SLC6A5: variants seen among roughly 807,000 people sequenced by gnomAD.
SLC6A5 encodes the protein sodium- and chloride-dependent glycine transporter 2.
A neutral mutation model predicts 90.5 loss-of-function variants in SLC6A5; 58 were observed. The ratio of observed to expected loss-of-function variants is 0.64; its 90% CI spans 0.52 to 0.80. The LOEUF (loss-of-function observed/expected upper bound fraction) is 0.80. Among genes scored for constraint, SLC6A5 ranks in the 30% least tolerant of loss-of-function variants. The probability of loss-of-function intolerance (pLI) is 0.00; values close to 1 mark genes in which losing one functional copy is unlikely to be tolerated. For synonymous variants in SLC6A5, 427 were observed against 401.4 expected (o/e 1.06, Z -0.76); for missense variants, 1,015 against 1,017.6 (o/e 1.00, Z 0.03).
At chr11:20,602,128 C>T (rs1852492300) in intron 2 of SLC6A5, among the ~76,000 whole-genome samples, 1 of 152,224 alleles carries the variant, frequency 6.6e-6, no homozygotes, top group East Asian at 1.9e-4. Context: ...GTAGCCTTTA[C>T]ACTGCCAGTT....
At chr11:20,646,975 C>T (rs368142004) in intron 14 of SLC6A5, 41 bp downstream of exon 14, 2 of 1,245,472 alleles carry the variant, frequency 1.6e-6, no homozygotes, top group African/African-American at 3.0e-5. Flanking sequence ...CAGCACCTTG[C>T]ATACGTATGT....
chr11:20,622,868 G>A (rs982621728), intron 7 of SLC6A5, among the ~76,000 whole-genome samples: 6 of 152,122 alleles, frequency 3.9e-5, no homozygotes, highest in African/African-American at 7.2e-5. Context: ...TCCCATCCCC[G>A]TGCTGTTTTG....
intron 11 of SLC6A5, 110 bp downstream of exon 11, chr11:20,636,529 T>C (rs1853211877): frequency 1.3e-6 from 1 of 745,282 alleles, no homozygotes; most frequent in East Asian, 2.6e-5. Flanking sequence ...GGTGTCTGAA[T>C]GTTTCTCCCG....
At chr11:20,616,117 C>T (rs1852779310) in intron 6 of SLC6A5, among the ~76,000 whole-genome samples, 1 of 152,166 alleles carries the variant, frequency 6.6e-6, no homozygotes, top group South Asian at 2.1e-4. Flanking sequence ...TTGCTAATAC[C>T]ATGACTCTTC....
In SLC6A5 at chr11:20,658,535, C is replaced by T. The variant is rs897841817; in HGVS notation, c.*3667C>T. ...GGGAGCAAAGGTGTGGGTGATTCTG[C>T]CTTGATACTCATTTCCCCACAAAGT... On this transcript the variant is annotated 3_prime_UTR_variant, in exon 16 of 16. Coordinates refer to ENST00000525748, the MANE Select transcript of SLC6A5 (RefSeq NM_004211.5). 1 of 152,156 alleles carries T rather than the reference C, an allele frequency of 6.6e-6. No homozygotes were observed. Among genetic ancestry groups the T allele is most frequent in the East Asian group, 1.9e-4 (1 of 5,188 alleles). 9.4% of individuals were successfully genotyped at this position (152,156 alleles called of 1,614,324 possible). A position where few individuals can be genotyped will look rare whatever the true frequency, so the allele number is the denominator to read the frequency against.
chr11:20,627,192 A>T (rs146924100), intron 8 of SLC6A5, among the ~76,000 whole-genome samples: 204 of 152,268 alleles, frequency 1.3e-3, no homozygotes, highest in African/African-American at 4.5e-3. Flanking sequence ...CTTAGTGTAA[A>T]CCACAAGCGA....
At chr11:20,633,937 T>A (rs1330285239) in intron 10 of SLC6A5, among the ~76,000 whole-genome samples, 1 of 152,150 alleles carries the variant, frequency 6.6e-6, no homozygotes, top group Non-Finnish European at 1.5e-5. Context: ...AGTGGTGCCA[T>A]CTTGGCTCAC....
At chr11:20,599,877 A>AG (rs1852425167) in intron 1 of SLC6A5, among the ~76,000 whole-genome samples, 1 of 152,062 alleles carries the variant, frequency 6.6e-6, no homozygotes, top group Non-Finnish European at 1.5e-5. Context: ...TAGGCTGTAG[A>AG]GCTGAGAGGT....
chr11:20,652,552 C>G, intron 15 of SLC6A5, 96 bp downstream of exon 15: 3 of 1,215,368 alleles, frequency 2.5e-6, no homozygotes, highest in Non-Finnish European at 3.7e-6. Flanking sequence ...TAAACTTATT[C>G]AAGAGGGAGA....
chr11:20,631,204 G>A (rs911736851), intron 10 of SLC6A5, among the ~76,000 whole-genome samples: 2 of 152,216 alleles, frequency 1.3e-5, no homozygotes, highest in African/African-American at 4.8e-5. Context: ...GACATTCATT[G>A]CAGAAGGCCC....
chr11:20,641,524 A>C (rs562261443), intron 13 of SLC6A5, among the ~76,000 whole-genome samples: 1 of 152,288 alleles, frequency 6.6e-6, no homozygotes, highest in Non-Finnish European at 1.5e-5. Flanking sequence ...CAACAAAAAT[A>C]AACTGTACCC....
chr11:20,633,010 C>T (rs899197991), intron 10 of SLC6A5, among the ~76,000 whole-genome samples: 5 of 152,002 alleles, frequency 3.3e-5, no homozygotes, highest in African/African-American at 9.7e-5. Flanking sequence ...AGAGACCAAG[C>T]TGTGTTTTGC....
In SLC6A5 at chr11:20,626,727, C is replaced by T. The variant is rs1421208814; in HGVS notation, c.1280C>T (p.Thr427Met). 6.8e-6 allele frequency: 11 copies of T among 1,613,986 alleles called. No homozygotes were observed. Among genetic ancestry groups the T allele is most frequent in the Admixed American group, 3.3e-5 (2 of 60,004 alleles). ...TSGKVVYFTA[T>M]FPYVVLVILL... ...TTCTAGGTGGTGTACTTCACGGCCACGTTCCCGTATGTCGTACTCGTGATC... is the reference window on the plus strand; with the variant it reads ...TTCTAGGTGGTGTACTTCACGGCCATGTTCCCGTATGTCGTACTCGTGATC... Residue 427 changes from threonine to methionine, a missense_variant, in exon 8 of 16, where the codon ACG (threonine) becomes ATG (methionine). By Grantham distance (81) the Thr-to-Met change is moderately conservative. Around this residue, in one of 3 missense-constraint regions of SLC6A5, gnomAD observed 442 missense variants for 494.3 expected, o/e 0.89. Coordinates refer to ENST00000525748, the MANE Select transcript of SLC6A5 (RefSeq NM_004211.5).
At chr11:20,626,250 TATC>T (rs1852991197) in intron 7 of SLC6A5, among the ~76,000 whole-genome samples, 1 of 152,224 alleles carries the variant, frequency 6.6e-6, no homozygotes, top group Non-Finnish European at 1.5e-5. Flanking sequence ...CTAATTCTAA[TATC>T]ATGTTCTTCT....
rs576540910 is a variant in SLC6A5, at chr11:20,618,877, C to T, written c.1260+993C>T. Among the ~76,000 whole-genome samples the T allele has an allele frequency of 8.6e-5, 13 of 151,664 alleles. 1 individual carries two copies. In the South Asian group the frequency reaches 1.9e-3, roughly 22 times the overall value. ...ACTTGAACCCGGGAGGCGGAGATTG[C>T]GGTGAGCTAAGATGGCATCACTGCA... On this transcript the variant is annotated intron_variant, in intron 7 of 15. Transcript: ENST00000525748.
intron 10 of SLC6A5, among the ~76,000 whole-genome samples, chr11:20,633,957 T>C (rs4488192): frequency 1.3e-5 from 2 of 152,116 alleles, no homozygotes; most frequent in Non-Finnish European, 2.9e-5. Context: ...CTGCAACTTC[T>C]GCCTCCCGGG....
chr11:20,643,902 A>G (rs1733958020), intron 13 of SLC6A5, among the ~76,000 whole-genome samples: 1 of 152,010 alleles, frequency 6.6e-6, no homozygotes. Flanking sequence ...TGAGCTTGGT[A>G]GGAAGTAAAA....
At position 20,637,307 on chromosome 11, in the gene SLC6A5, A is replaced by C. The variant is rs755829301; in HGVS notation, c.1869+4A>C. ...GGGTTTTCCAATGATCACTCAGGTA[A>C]GCTGCCTCCTAGGCACAGGCTTGGG... On this transcript the variant is annotated splice_donor_region_variant and intron_variant, in intron 12 of 15. Coordinates refer to ENST00000525748, the MANE Select transcript of SLC6A5 (RefSeq NM_004211.5). 3.1e-5 allele frequency: 49 copies of C among 1,574,758 alleles called. No individual in the cohort carries two copies. Among genetic ancestry groups the C allele is most frequent in the African/African-American group, 4.1e-5 (3 of 73,534 alleles).
intron 10 of SLC6A5, among the ~76,000 whole-genome samples, chr11:20,633,282 C>T (rs560705752): frequency 3.3e-5 from 5 of 152,186 alleles, no homozygotes; most frequent in African/African-American, 7.2e-5. Context: ...CTCAGCTAAC[C>T]GGAGCACTAG....
Sources: gnomAD v4.1 joint callset for allele counts (sites outside exome capture counted in the v4.1 genomes callset) on GRCh38, gnomAD v4.1.1 for gene constraint, gnomAD v4.1.1 regional missense constraint, MANE v1.5 for transcripts, NCBI Gene and HGNC (gene_info 2026-07-23, HGNC 2026-07-21) for gene names.